Variants in SEMA3E observed in about 807,000 individuals in gnomAD.
SEMA3E encodes the protein semaphorin 3E.
In SEMA3E, 49 loss-of-function variants were observed where a neutral mutation model predicts 93.6. The ratio of observed to expected loss-of-function variants is 0.52; its 90% CI spans 0.42 to 0.66. SEMA3E has a LOEUF of 0.66. Ranked by LOEUF, SEMA3E falls within the 30% of genes least tolerant of loss-of-function variation. SEMA3E has a pLI of 0.00. For missense variants in SEMA3E, 906 were observed against 964.8 expected (o/e 0.94, Z 0.81); for synonymous variants, 363 against 330.7 (o/e 1.10, Z -1.06).
chr7:83,608,039 C>T (rs988038691), intron 1 of SEMA3E, among the ~76,000 whole-genome samples: 10 of 151,894 alleles, frequency 6.6e-5, no homozygotes, highest in African/African-American at 1.9e-4. Flanking sequence ...GGTGAAACCG[C>T]GTCTCTACTA....
Position 83,400,793 on chromosome 7 carries a change from T to A in SEMA3E, c.1144-543A>T, listed in dbSNP as rs186364709. Among the ~76,000 whole-genome samples, 6 of 152,312 alleles carry A rather than the reference T, an allele frequency of 3.9e-5. No individual in the cohort carries two copies. The East Asian group carries it at 1.2e-3, about 29-fold the overall frequency. On this transcript the variant is annotated intron_variant, in intron 10 of 16. Coordinates refer to ENST00000643230, the MANE Select transcript of SEMA3E (RefSeq NM_012431.3). ...TACATATTCAAATTATTTTCTCTGTTTTTGAAATTTGTTTTTTGTAATATA... is the reference window on the plus strand; with the variant it reads ...TACATATTCAAATTATTTTCTCTGTATTTGAAATTTGTTTTTTGTAATATA...
chr7:83,496,699 T>A (rs2115582029), intron 1 of SEMA3E, among the ~76,000 whole-genome samples: 1 of 152,168 alleles, frequency 6.6e-6, no homozygotes, highest in Non-Finnish European at 1.5e-5. Context: ...CCTTTCTTAG[T>A]TTTAGAGTCA....
chr7:83,377,355 A>C (rs1787667622), intron 16 of SEMA3E, among the ~76,000 whole-genome samples: 1 of 151,976 alleles, frequency 6.6e-6, no homozygotes, highest in Admixed American at 6.6e-5. Flanking sequence ...CCTTTAAATC[A>C]GGGATCAAAA....
At chr7:83,504,528 G>A (rs1452801356) in intron 1 of SEMA3E, among the ~76,000 whole-genome samples, 1 of 152,110 alleles carries the variant, frequency 6.6e-6, no homozygotes, top group African/African-American at 2.4e-5. Flanking sequence ...TGGGTACGTG[G>A]GTTCTCTTTA....
intron 1 of SEMA3E, among the ~76,000 whole-genome samples, chr7:83,572,656 C>CA (rs773941112): frequency 6.6e-5 from 10 of 150,768 alleles, no homozygotes; most frequent in East Asian, 2.0e-4. Flanking sequence ...CAAAACAAAA[C>CA]AAAAAAACAA....
Position 83,438,900 on chromosome 7 carries a change from T to C in SEMA3E, c.457-20417A>G, listed in dbSNP as rs992815370. Among the ~76,000 whole-genome samples the C allele has an allele frequency of 2.6e-5, 4 of 152,304 alleles. No homozygotes were observed. In the East Asian group the frequency reaches 7.7e-4, roughly 29 times the overall value. Reference sequence around the variant, plus strand: ...TAGACATGGCAAGGAAAGAACCATCTTGACTCCAAGTTAACTTTAAGATAT... The same window carrying C: ...TAGACATGGCAAGGAAAGAACCATCCTGACTCCAAGTTAACTTTAAGATAT... On this transcript the variant is annotated intron_variant, in intron 4 of 16. Transcript: ENST00000643230.
intron 1 of SEMA3E, among the ~76,000 whole-genome samples, chr7:83,555,421 C>T (rs2115816925): frequency 6.6e-6 from 1 of 152,252 alleles, no homozygotes; most frequent in South Asian, 2.1e-4. Context: ...TGGTAGAAGT[C>T]ACAGCATTTA....
Position 83,466,524 on chromosome 7 carries a change from A to G in SEMA3E, c.414T>C (p.Phe138=), listed in dbSNP as rs201425495. ...CTCTGATGAAGGCACAAACTGGATC[A>G]AAAGCTCCAGTACCACAGGTCAGAA... ...THLLTCGTGA[F]DPVCAFIRVG... Residue 138 remains phenylalanine (F), a synonymous_variant, in exon 4 of 17, where the codon TTT becomes TTC. Transcript: ENST00000643230. The G allele has an allele frequency of 7.4e-5, 120 of 1,613,858 alleles. No homozygotes were observed. In the South Asian group the frequency reaches 1.3e-3, roughly 17 times the overall value.
intron 1 of SEMA3E, among the ~76,000 whole-genome samples, chr7:83,508,178 A>G (rs1025331708): frequency 6.6e-6 from 1 of 152,218 alleles, no homozygotes; most frequent in African/African-American, 2.4e-5. Context: ...AAATGCCTTC[A>G]AACTGCTAAA....
chr7:83,433,122 A>C (rs2115752668), intron 4 of SEMA3E, among the ~76,000 whole-genome samples: 1 of 152,258 alleles, frequency 6.6e-6, no homozygotes, highest in African/African-American at 2.4e-5. Flanking sequence ...ACAACTCTGT[A>C]AAGGGGCTTT....
At position 83,392,734 on chromosome 7, in the gene SEMA3E, G is replaced by C; in HGVS notation, c.1501-13C>G. On this transcript the variant is annotated splice_polypyrimidine_tract_variant and intron_variant, in intron 13 of 16. Coordinates refer to ENST00000643230, the MANE Select transcript of SEMA3E (RefSeq NM_012431.3). ...TATACAGCTGTTGCTACAGAAATCA[G>C]AAAGAGGTCACTAGCAGAAATGGAC... 1 of 1,613,402 alleles carries C rather than the reference G, an allele frequency of 6.2e-7. No individual in the cohort carries two copies. Among genetic ancestry groups the C allele is most frequent in the South Asian group, 1.1e-5 (1 of 91,074 alleles).
At position 83,421,265 on chromosome 7, in the gene SEMA3E, A is replaced by G. The variant is rs749531857; in HGVS notation, c.457-2782T>C. On this transcript the variant is annotated intron_variant, in intron 4 of 16. Transcript: ENST00000643230. ...ATAGAATAATGCATAAGTACTGTAA[A>G]TATTTATCAACAAATGCCATATTAT... 2.8e-5 allele frequency among the ~76,000 whole-genome samples: 4 copies of G among 142,248 alleles called. 2 individuals are homozygous for G. Among genetic ancestry groups the G allele is most frequent in the Non-Finnish European group, 6.4e-5 (4 of 62,656 alleles). The allele number at this position is 142,248 out of a possible 152,430, so 93.3% of individuals were successfully genotyped here. A position where few individuals can be genotyped will look rare whatever the true frequency, so the allele number is the denominator to read the frequency against.
chr7:83,577,849 A>G (rs1356732811), intron 1 of SEMA3E, among the ~76,000 whole-genome samples: 1 of 152,048 alleles, frequency 6.6e-6, no homozygotes, highest in Non-Finnish European at 1.5e-5. Flanking sequence ...TTTCATAGTT[A>G]TCATAAATAT....
intron 5 of SEMA3E, among the ~76,000 whole-genome samples, chr7:83,413,144 A>T (rs1200638166): frequency 1.3e-5 from 2 of 152,262 alleles, no homozygotes; most frequent in South Asian, 4.1e-4. Context: ...TACAATGTGA[A>T]CTCTAGTTGA....
At chr7:83,475,499 C>CT (rs778826991) in intron 2 of SEMA3E, among the ~76,000 whole-genome samples, 4 of 152,238 alleles carry the variant, frequency 2.6e-5, no homozygotes, top group Middle Eastern at 3.4e-3. Context: ...TAACAGCCCC[C>CT]TTATAAGATT....
At chr7:83,562,332 T>G (rs115978688) in intron 1 of SEMA3E, among the ~76,000 whole-genome samples, 1,549 of 152,156 alleles carry the variant, frequency 0.01, 24 homozygotes, top group African/African-American at 0.035. Context: ...TAAACTGCAT[T>G]TGTATAATGT....
intron 4 of SEMA3E, among the ~76,000 whole-genome samples, chr7:83,454,598 T>C (rs1390385851): frequency 2.0e-5 from 3 of 152,082 alleles, no homozygotes; most frequent in Non-Finnish European, 2.9e-5. Flanking sequence ...ATGAGTTTAC[T>C]TTGTACTATA....
In SEMA3E at chr7:83,493,564, TAAAC is replaced by T. The variant is rs1790426116; in HGVS notation, c.116-3294_116-3291del. On this transcript the variant is annotated intron_variant, in intron 1 of 16. Transcript: ENST00000643230. ...TCATTTTTTAAATTTATAAACCTAA[TAAAC>T]AGACTATAGTTTTCTTTAAACATTT... 3.9e-5 allele frequency among the ~76,000 whole-genome samples: 6 copies of T among 151,938 alleles called. No individual in the cohort carries two copies. The South Asian group carries it at 1.2e-3, about 31-fold the overall frequency.
intron 1 of SEMA3E, among the ~76,000 whole-genome samples, chr7:83,549,582 A>G (rs1791719076): frequency 6.6e-6 from 1 of 152,066 alleles, no homozygotes; most frequent in African/African-American, 2.4e-5. Flanking sequence ...TTGAATCATT[A>G]TTGTCTCTGT....
Sources: allele counts gnomAD v4.1 joint callset (sites outside exome capture counted in the v4.1 genomes callset), GRCh38; gene constraint gnomAD v4.1.1; transcripts MANE v1.5; gene names NCBI Gene and HGNC (gene_info 2026-07-23, HGNC 2026-07-21).